JAZF1: variants seen among roughly 807,000 people sequenced by gnomAD.
JAZF1 encodes the protein juxtaposed with another zinc finger protein 1.
Under a neutral mutation model 26.4 loss-of-function variants are expected in JAZF1, and 8 were observed. The observed-to-expected ratio is 0.30, with a 90% confidence interval of 0.18 to 0.55. JAZF1 has a LOEUF of 0.55. JAZF1 is among the 20% of genes least tolerant of loss of function. JAZF1 has a pLI of 0.94. For synonymous variants in JAZF1, 126 were observed against 122.3 expected (o/e 1.03, Z -0.20); for missense variants, 199 against 322.0 (o/e 0.62, Z 2.92).
Position 28,176,460 on chromosome 7 carries a change from C to T in JAZF1, c.115+4003G>A, listed in dbSNP as rs994155336. On this transcript the variant is annotated intron_variant, in intron 1 of 4. Transcript: ENST00000283928. ...CATATCAGCCTCTCAGCAAGGCCCACCCTGACCAATCTATTTAAAATTCTC... is the reference window on the plus strand; with the variant it reads ...CATATCAGCCTCTCAGCAAGGCCCATCCTGACCAATCTATTTAAAATTCTC... Among the ~76,000 whole-genome samples the T allele has an allele frequency of 6.6e-5, 10 of 152,296 alleles. No individual in the cohort carries two copies. The South Asian group carries it at 2.1e-3, about 32-fold the overall frequency.
intron 1 of JAZF1, among the ~76,000 whole-genome samples, chr7:27,996,389 C>A (rs1393317099): frequency 6.6e-6 from 1 of 152,130 alleles, no homozygotes; most frequent in African/African-American, 2.4e-5. Context: ...ACACCAGGTT[C>A]TTTTTTAACT....
At chr7:28,029,600 T>C (rs753105138) in intron 1 of JAZF1, among the ~76,000 whole-genome samples, 9 of 152,356 alleles carry the variant, frequency 5.9e-5, no homozygotes, top group Non-Finnish European at 8.8e-5. Context: ...GGAAAATCTA[T>C]AGAATTCTTA....
chr7:27,954,195 C>CTAGA (rs1294960398), intron 2 of JAZF1, among the ~76,000 whole-genome samples: 2 of 152,190 alleles, frequency 1.3e-5, no homozygotes, highest in Non-Finnish European at 2.9e-5. Flanking sequence ...ATCATAGCTC[C>CTAGA]TAGAGGTAAA....
chr7:27,868,369 C>T (rs951140191), intron 3 of JAZF1, among the ~76,000 whole-genome samples: 4 of 152,314 alleles, frequency 2.6e-5, no homozygotes, highest in East Asian at 1.9e-4. Flanking sequence ...CGGTCCTCAC[C>T]GCAACTCCCT....
At chr7:27,963,489 A>C (rs963990394) in intron 2 of JAZF1, among the ~76,000 whole-genome samples, 3 of 151,896 alleles carry the variant, frequency 2.0e-5, no homozygotes, top group African/African-American at 4.8e-5. Flanking sequence ...GGTCTTGCAC[A>C]TTGTTGTGAT....
chr7:28,094,178 G>C (rs1177802262), intron 1 of JAZF1, among the ~76,000 whole-genome samples: 1 of 152,160 alleles, frequency 6.6e-6, no homozygotes, highest in Non-Finnish European at 1.5e-5. Context: ...GTCAACATTC[G>C]ATCTGCTCGG....
intron 1 of JAZF1, among the ~76,000 whole-genome samples, chr7:28,089,815 G>A (rs1248146686): frequency 6.6e-6 from 1 of 152,212 alleles, no homozygotes; most frequent in Middle Eastern, 3.2e-3. Context: ...CTAGTATTTT[G>A]TAGAAGGTAG....
chr7:27,845,648 G>C (rs1212966011), intron 3 of JAZF1, among the ~76,000 whole-genome samples: 9 of 142,598 alleles, frequency 6.3e-5, no homozygotes, highest in Admixed American at 5.8e-4. Flanking sequence ...AGTGAGCCAA[G>C]ATGGCGCCAT....
At chr7:27,846,441 T>G in intron 3 of JAZF1, 1 of 457,018 alleles carries the variant, frequency 2.2e-6, no homozygotes, top group Non-Finnish European at 4.5e-6. Context: ...AGATTCTTGG[T>G]GCATTCATCC....
At chr7:27,854,730 A>G (rs1441045865) in intron 3 of JAZF1, among the ~76,000 whole-genome samples, 1 of 152,204 alleles carries the variant, frequency 6.6e-6, no homozygotes, top group Non-Finnish European at 1.5e-5. Flanking sequence ...GTTTCTGCAG[A>G]GAGATCTGCT....
intron 2 of JAZF1, among the ~76,000 whole-genome samples, chr7:27,940,420 A>G (rs985403688): frequency 5.9e-5 from 9 of 152,068 alleles, no homozygotes; most frequent in African/African-American, 2.2e-4. Context: ...AGTGTAATGC[A>G]TCTTATTCTA....
intron 3 of JAZF1, among the ~76,000 whole-genome samples, chr7:27,875,448 C>A (rs1015921897): frequency 3.9e-5 from 6 of 152,096 alleles, no homozygotes; most frequent in African/African-American, 1.4e-4. Flanking sequence ...TGTTTAAAAC[C>A]CTCCCTTAAC....
At chr7:28,055,067 T>A (rs117862871) in intron 1 of JAZF1, among the ~76,000 whole-genome samples, 1 of 152,172 alleles carries the variant, frequency 6.6e-6, no homozygotes, top group Non-Finnish European at 1.5e-5. Context: ...GTGTACTACA[T>A]GTTAATAAGA....
chr7:27,931,630 A>G (rs1213571245), intron 2 of JAZF1, among the ~76,000 whole-genome samples: 1 of 152,226 alleles, frequency 6.6e-6, no homozygotes, highest in Non-Finnish European at 1.5e-5. Context: ...AGCCTGGCCA[A>G]TATGGTGAAA....
At chr7:28,093,978 T>C (rs1307033420) in intron 1 of JAZF1, among the ~76,000 whole-genome samples, 1 of 152,222 alleles carries the variant, frequency 6.6e-6, no homozygotes, top group Non-Finnish European at 1.5e-5. Flanking sequence ...TTCCATATAT[T>C]CATTCGCAAA....
In JAZF1 at chr7:28,131,486, T is replaced by C. The variant is rs183171226; in HGVS notation, c.115+48977A>G. On this transcript the variant is annotated intron_variant, in intron 1 of 4. Coordinates refer to ENST00000283928, the MANE Select transcript of JAZF1 (RefSeq NM_175061.4). ...AAAACCACGATATGCACTAGATGAC[T>C]AGAATCTTTAAAAAATCCTTAAAAT... Among the ~76,000 whole-genome samples the C allele has an allele frequency of 9.8e-5, 15 of 152,306 alleles. No homozygotes were observed. The East Asian group carries it at 2.9e-3, about 29-fold the overall frequency.
At chr7:28,053,911 A>T (rs1414667561) in intron 1 of JAZF1, among the ~76,000 whole-genome samples, 1 of 152,174 alleles carries the variant, frequency 6.6e-6, no homozygotes, top group Non-Finnish European at 1.5e-5. Context: ...CAATCTTTTT[A>T]AAAAACTGTT....
chr7:28,141,265 C>A (rs1782955869), intron 1 of JAZF1, among the ~76,000 whole-genome samples: 1 of 152,122 alleles, frequency 6.6e-6, no homozygotes, highest in Non-Finnish European at 1.5e-5. Context: ...ACATGGAAAG[C>A]CTGACAACCA....
At chr7:27,968,540 T>C (rs906209412) in intron 2 of JAZF1, among the ~76,000 whole-genome samples, 4 of 152,242 alleles carry the variant, frequency 2.6e-5, no homozygotes. Flanking sequence ...AATATGCACA[T>C]GCCTCTTTAA....
Sources: gnomAD v4.1 joint callset for allele counts (sites outside exome capture counted in the v4.1 genomes callset) on GRCh38, gnomAD v4.1.1 for gene constraint, MANE v1.5 for transcripts, NCBI Gene and HGNC (gene_info 2026-07-23, HGNC 2026-07-21) for gene names.